Variants in P2RX5 observed in about 807,000 individuals in gnomAD.
P2RX5 encodes the protein purinergic receptor P2X 5.
P2RX5 carries 46 observed loss-of-function variants against 54.1 expected under a neutral mutation model. That is an observed-to-expected ratio of 0.85 (90% CI 0.67 to 1.09). The LOEUF (loss-of-function observed/expected upper bound fraction) is 1.09, where lower values mean the gene tolerates loss of function less well. Among genes scored for constraint, P2RX5 ranks in the 50% least tolerant of loss-of-function variants. The probability of loss-of-function intolerance (pLI) is 0.00; values close to 1 mark genes in which losing one functional copy is unlikely to be tolerated. For synonymous variants in P2RX5, 226 were observed against 226.4 expected, an observed-to-expected ratio of 1.00 and a Z score of 0.02; for missense variants, 566 against 549.8, an observed-to-expected ratio of 1.03 and a Z score of -0.29.
intron 11 of P2RX5, among the ~76,000 whole-genome samples, chr17:3,679,037 A>C (rs1387063900): frequency 6.6e-6 from 1 of 152,168 alleles, no homozygotes; most frequent in Non-Finnish European, 1.5e-5. Context: ...GCAGCCCCAG[A>C]ATCGCACACA....
the P2RX5 span, among the ~76,000 whole-genome samples, chr17:3,706,891 T>C: frequency 3.3e-5 from 5 of 152,234 alleles, no homozygotes; most frequent in Non-Finnish European, 7.3e-5. Flanking sequence ...ATTACAGGCG[T>C]GCGCCACTGC....
At chr17:3,709,019 T>C in the P2RX5 span, among the ~76,000 whole-genome samples, 1 of 152,178 alleles carries the variant, frequency 6.6e-6, no homozygotes, top group Non-Finnish European at 1.5e-5. Flanking sequence ...TGGCACAATC[T>C]TGGCTCACTG....
chr17:3,699,922 GAAAGAAAGAAAGAAAGAAAGAAA>G (rs2050806262), upstream of P2RX5, among the ~76,000 whole-genome samples: 12 of 64,272 alleles, frequency 1.9e-4, 1 homozygote, highest in South Asian at 7.9e-4. Context: ...AGGAAGGAAA[GAAAGAAAGAAAGAAAGAAAGAAA>G]GAAAGAAAGA....
At chr17:3,716,534 T>G in the P2RX5 span, among the ~76,000 whole-genome samples, 1 of 152,222 alleles carries the variant, frequency 6.6e-6, no homozygotes, top group Non-Finnish European at 1.5e-5. Context: ...TTTACTCATT[T>G]GTCTAAATGG....
intron 10 of P2RX5, among the ~76,000 whole-genome samples, chr17:3,680,413 G>A (rs112036694): frequency 1.2e-4 from 11 of 91,180 alleles, no homozygotes; most frequent in South Asian, 8.3e-4. Flanking sequence ...TCCACCCAGC[G>A]TCCTCCACCC....
chr17:3,708,927 G>C, the P2RX5 span, among the ~76,000 whole-genome samples: 19 of 151,856 alleles, frequency 1.3e-4, no homozygotes, highest in Admixed American at 6.6e-5. Flanking sequence ...AATACTTAGA[G>C]ATGCACAGAA....
the P2RX5 span, among the ~76,000 whole-genome samples, chr17:3,715,322 T>C: frequency 6.6e-6 from 1 of 152,148 alleles, no homozygotes; most frequent in Admixed American, 6.5e-5. Context: ...ATCAAGCTCA[T>C]CATCTAGTAG....
At chr17:3,699,844 GAAAA>G (rs565713894), upstream of P2RX5, among the ~76,000 whole-genome samples, 1 of 105,936 alleles carries the variant, frequency 9.4e-6, no homozygotes, top group Admixed American at 1.1e-4. Context: ...GAGAGAGAAA[GAAAA>G]AGAAAAAAGA....
At chr17:3,689,983 C>T (rs538183566) in intron 6 of P2RX5, 87 bp downstream of exon 6, 3 of 1,175,812 alleles carry the variant, frequency 2.6e-6, no homozygotes, top group Non-Finnish European at 2.6e-6. Flanking sequence ...CGCACACACA[C>T]CCCCAGGCAG....
chr17:3,679,024 G>A (rs1421224438), intron 11 of P2RX5, among the ~76,000 whole-genome samples: 5 of 152,194 alleles, frequency 3.3e-5, no homozygotes, highest in African/African-American at 4.8e-5. Flanking sequence ...TCCTGAGGCC[G>A]GGGCAGCCCC....
chr17:3,711,344 C>G, the P2RX5 span, among the ~76,000 whole-genome samples: 1 of 147,654 alleles, frequency 6.8e-6, no homozygotes, highest in African/African-American at 2.6e-5. Flanking sequence ...AAAGGTTACT[C>G]CACAGGGCTG....
At chr17:3,699,540 C>T (rs1192606080), upstream of P2RX5, among the ~76,000 whole-genome samples, 1 of 151,838 alleles carries the variant, frequency 6.6e-6, no homozygotes, top group Non-Finnish European at 1.5e-5. Context: ...GATGCAGTGG[C>T]TCACACCTGT....
intron 11 of P2RX5, among the ~76,000 whole-genome samples, chr17:3,674,137 AC>A (rs1484849592): frequency 6.6e-6 from 1 of 152,038 alleles, no homozygotes; most frequent in East Asian, 1.9e-4. Flanking sequence ...ACACAGTGAA[AC>A]CCCGTCTCTA....
At chr17:3,712,738 G>A in the P2RX5 span, among the ~76,000 whole-genome samples, 112 of 152,228 alleles carry the variant, frequency 7.4e-4, no homozygotes, top group African/African-American at 2.3e-3. Context: ...CCTGAGGTCA[G>A]GAGTTCGAGA....
the P2RX5 span, among the ~76,000 whole-genome samples, chr17:3,706,384 T>TG: frequency 6.6e-6 from 1 of 152,094 alleles, no homozygotes; most frequent in African/African-American, 2.4e-5. Flanking sequence ...TGTGAGCCAC[T>TG]GTGCCTGGCC....
At chr17:3,723,187 T>A in the P2RX5 span, 87,578 of 849,162 alleles carry the variant, frequency 0.1, 4,956 homozygotes, top group Middle Eastern at 0.17. Flanking sequence ...AAGATCTATT[T>A]TGGACATGGA....
chr17:3,677,065 AAAAT>A (rs1307661382), intron 11 of P2RX5: 9 of 984,374 alleles, frequency 9.1e-6, no homozygotes, highest in Middle Eastern at 5.2e-4. Context: ...CTATTTCAAA[AAAAT>A]AAATAAATAA....
intron 9 of P2RX5, among the ~76,000 whole-genome samples, chr17:3,683,604 C>T (rs1205699166): frequency 6.6e-6 from 1 of 152,146 alleles, no homozygotes; most frequent in East Asian, 1.9e-4. Context: ...GTGGCGCACG[C>T]CTGTAATCCC....
intron 10 of P2RX5, 62 bp downstream of exon 10, chr17:3,681,834 C>T (rs2654680): frequency 6.1e-6 from 7 of 1,143,250 alleles, no homozygotes; most frequent in Admixed American, 1.7e-5. Context: ...GGCAAAGGCT[C>T]GAAGCCACGG....
Sources: allele counts gnomAD v4.1 joint callset (sites outside exome capture counted in the v4.1 genomes callset), GRCh38; gene constraint gnomAD v4.1.1; transcripts MANE v1.5; gene names NCBI Gene and HGNC (gene_info 2026-07-23, HGNC 2026-07-21).